Variants in ATG4A observed in about 807,000 individuals in gnomAD.
The protein encoded by ATG4A is autophagy related 4A cysteine peptidase, also known as cysteine protease ATG4A.
In ATG4A, 22 loss-of-function variants were observed where a neutral mutation model predicts 38.4. The observed-to-expected ratio is 0.57, with a 90% CI of 0.41 to 0.82. ATG4A has a LOEUF of 0.82. Among genes scored for constraint, ATG4A ranks in the 40% least tolerant of loss-of-function variants. ATG4A has a pLI of 0.00. For synonymous variants in ATG4A, 86 were observed against 100.7 expected (o/e 0.85, Z 0.88); for missense variants, 220 against 290.0 (o/e 0.76, Z 1.75).
upstream of ATG4A, chrX:108,091,547 C>A (rs373870440): frequency 2.8e-4 from 330 of 1,174,821 alleles, no homozygotes; most frequent in Non-Finnish European, 3.7e-4. Context: ...CTACTTGTCG[C>A]GCGAGCAACG....
chrX:108,088,899 G>A (rs749852206), upstream of ATG4A: 18 of 978,100 alleles, frequency 1.8e-5, no homozygotes, highest in South Asian at 3.4e-4. Context: ...AGGCAAAAAA[G>A]CAAGAAAAAA....
At chrX:108,121,162 C>T (rs766551251) in intron 1 of ATG4A, among the ~76,000 whole-genome samples, 1 of 111,665 alleles carries the variant, frequency 9.0e-6, no homozygotes, top group African/African-American at 3.3e-5. Context: ...GGCCTGTGCA[C>T]AGGTGAGCAG....
chrX:108,131,433 G>A, intron 4 of ATG4A, 75 bp downstream of exon 4: 2 of 1,018,676 alleles, frequency 2.0e-6, no homozygotes, highest in East Asian at 6.1e-5. Context: ...TTAGCTTGAT[G>A]CTGAGCCTTG....
At chrX:108,141,057 CG>C (rs2148017112) in intron 9 of ATG4A, among the ~76,000 whole-genome samples, 1 of 42,214 alleles carries the variant, frequency 2.4e-5, no homozygotes, top group South Asian at 1.3e-3. Context: ...TACATATATA[CG>C]TGTATATATA....
chrX:108,148,931 TTG>T (rs1317508383), intron 9 of ATG4A, among the ~76,000 whole-genome samples: 2 of 112,679 alleles, frequency 1.8e-5, no homozygotes, highest in East Asian at 2.8e-4. Flanking sequence ...TCTATTTGTA[TTG>T]TGTTTTAAGG....
At chrX:108,148,316 A>T (rs1490032610) in intron 9 of ATG4A, among the ~76,000 whole-genome samples, 1 of 106,845 alleles carries the variant, frequency 9.4e-6, no homozygotes, top group African/African-American at 3.4e-5. Flanking sequence ...ACCCAGATTA[A>T]GGACCGGTCT....
chrX:108,104,489 G>T (rs776999711), intron 1 of ATG4A, among the ~76,000 whole-genome samples: 36 of 110,171 alleles, frequency 3.3e-4, no homozygotes, highest in Non-Finnish European at 5.5e-4. Context: ...GTCCTGCAAG[G>T]TTTCTGCTGA....
At chrX:108,129,794 T>A (rs1445007355) in intron 3 of ATG4A, among the ~76,000 whole-genome samples, 1 of 108,818 alleles carries the variant, frequency 9.2e-6, no homozygotes, top group East Asian at 2.9e-4. Context: ...ATGGTCTCGA[T>A]CTCCTGACCT....
intron 1 of ATG4A, among the ~76,000 whole-genome samples, chrX:108,121,059 A>C (rs1334742193): frequency 8.9e-6 from 1 of 112,160 alleles, no homozygotes; most frequent in Non-Finnish European, 1.9e-5. Context: ...TCCACTTGAA[A>C]TGCTAAGAAT....
rs1180607227 is a variant in ATG4A at position 108,134,431 on chromosome X, A to G, written c.467+20A>G. ...GTTAAAGTAAGTAAAAGAGTCTGGC[A>G]TCTGCCTTATTCTGCTGTCTCCTAT... On this transcript the variant is annotated intron_variant, in intron 6 of 12. Transcript: ENST00000372232. 7.6e-6 allele frequency: 9 copies of G among 1,185,890 alleles called. No homozygotes were observed. Among genetic ancestry groups the G allele is most frequent in the Middle Eastern group, 2.3e-4 (1 of 4,281 alleles).
At chrX:108,140,927 CAT>C (rs201648874) in intron 9 of ATG4A, among the ~76,000 whole-genome samples, 4,638 of 72,084 alleles carry the variant, frequency 0.064, 118 homozygotes, top group East Asian at 0.098. Context: ...TACATATATA[CAT>C]ATATATACAT....
At chrX:108,104,434 G>GTT (rs1241698209) in intron 1 of ATG4A, among the ~76,000 whole-genome samples, 1 of 103,940 alleles carries the variant, frequency 9.6e-6, no homozygotes. Context: ...TGGTTGGCAG[G>GTT]TTTTTTTTTT....
At chrX:108,153,317 A>G (rs1381604423) in intron 12 of ATG4A, among the ~76,000 whole-genome samples, 1 of 112,462 alleles carries the variant, frequency 8.9e-6, no homozygotes, top group East Asian at 2.8e-4. Context: ...TCTATGCAAA[A>G]TCAAGATGAC....
At chrX:108,100,648 T>A (rs1232706247) in intron 1 of ATG4A, among the ~76,000 whole-genome samples, 1 of 112,085 alleles carries the variant, frequency 8.9e-6, no homozygotes, top group Non-Finnish European at 1.9e-5. Flanking sequence ...CCAAATACTT[T>A]TTGCATCAAT....
At position 108,141,031 on chromosome X, in the gene ATG4A, C is replaced by CGTAT. The variant is rs1238415528; in HGVS notation, c.814+2840_814+2841insGTAT. Reference sequence around the variant, plus strand: ...ATACGTATATATACACATATATATACATATATACATATATATACATATATA... The same window carrying CGTAT: ...ATACGTATATATACACATATATATACGTATATATATACATATATATACATATATA... On this transcript the variant is annotated intron_variant, in intron 9 of 12. Coordinates refer to ENST00000372232, the MANE Select transcript of ATG4A (RefSeq NM_052936.5). Among the ~76,000 whole-genome samples, 66 of 54,420 alleles carry CGTAT rather than the reference C, an allele frequency of 1.2e-3. 2 individuals carry two copies. The East Asian group carries it at 0.03, about 25-fold the overall frequency. 47.3% of individuals were successfully genotyped at this position (54,420 alleles called of 115,157 possible).
chrX:108,120,327 A>G (rs2032617518), intron 1 of ATG4A, among the ~76,000 whole-genome samples: 1 of 111,975 alleles, frequency 8.9e-6, no homozygotes, highest in Admixed American at 9.5e-5. Flanking sequence ...AATGGCATCT[A>G]TCAAAAAAGA....
intron 2 of ATG4A, among the ~76,000 whole-genome samples, chrX:108,128,420 A>G (rs2032859296): frequency 9.0e-6 from 1 of 111,577 alleles, no homozygotes; most frequent in African/African-American, 3.3e-5. Flanking sequence ...CCAACCAACC[A>G]TCATTCAGGC....
chrX:108,129,555 CTTTTCTTTTCTTTCTTTTTT>C (rs1351368011), intron 3 of ATG4A, among the ~76,000 whole-genome samples: 2 of 108,574 alleles, frequency 1.8e-5, no homozygotes, highest in East Asian at 5.8e-4. Flanking sequence ...GTCACACAGA[CTTTTCTTTTCTTTCTTTTTT>C]TTTTTTTTTT....
upstream of ATG4A, chrX:108,091,423 G>A (rs1351416669): frequency 1.7e-6 from 2 of 1,211,309 alleles, no homozygotes; most frequent in Non-Finnish European, 2.2e-6. Context: ...AGTTCTAGTA[G>A]CCAGGGATTT....
Sources: gnomAD v4.1 joint callset for allele counts (sites outside exome capture counted in the v4.1 genomes callset) on GRCh38, gnomAD v4.1.1 for gene constraint, MANE v1.5 for transcripts, NCBI Gene and HGNC (gene_info 2026-07-23, HGNC 2026-07-21) for gene names.